AFF4: variants seen among roughly 807,000 people sequenced by gnomAD.
AFF4 encodes AF4/FMR2 family member 4.
A neutral mutation model predicts 124.8 loss-of-function variants in AFF4; 13 were observed. That is an observed-to-expected ratio of 0.10 (90% CI 0.07 to 0.17). The LOEUF is 0.17. Among genes scored for constraint, AFF4 ranks in the 10% least tolerant of loss-of-function variants. The probability of loss-of-function intolerance (pLI) is 1.00; values close to 1 mark genes in which losing one functional copy is unlikely to be tolerated. For synonymous variants in AFF4, 477 were observed against 496.1 expected (o/e 0.96, Z 0.51); for missense variants, 1,092 against 1,403.8 (o/e 0.78, Z 3.55).
intron 1 of AFF4, among the ~76,000 whole-genome samples, chr5:132,950,864 CTCCATCTCTAGTGAATCCTACGAATCCTT>C (rs1761828359): frequency 2.6e-5 from 4 of 152,252 alleles, no homozygotes; most frequent in African/African-American, 9.6e-5. Context: ...ACTTCAACTT[CTCCATCTCTAGTGAATCCTACGAATCCTT>C]TCCATCAGCA....
At chr5:132,956,580 C>T (rs1202477872) in intron 1 of AFF4, among the ~76,000 whole-genome samples, 2 of 147,390 alleles carry the variant, frequency 1.4e-5, no homozygotes, top group Non-Finnish European at 3.0e-5. Flanking sequence ...TGCAGTGAGC[C>T]GAGATCATGC....
In AFF4 at chr5:132,907,023, A is replaced by G. The variant is rs996621917; in HGVS notation, c.1051-2619T>C. On this transcript the variant is annotated intron_variant, in intron 5 of 20. Transcript: ENST00000265343. Reference sequence around the variant, plus strand: ...TATTCATTTACTTGGTAAATGGCCTAAAAGTTAATAGCCCCATATTCCAAA... The same window carrying G: ...TATTCATTTACTTGGTAAATGGCCTGAAAGTTAATAGCCCCATATTCCAAA... Among the ~76,000 whole-genome samples the G allele has an allele frequency of 5.9e-5, 9 of 152,336 alleles. No individual in the cohort carries two copies. In the East Asian group the frequency reaches 1.7e-3, roughly 29 times the overall value.
At position 132,936,727 on chromosome 5, in the gene AFF4, C is replaced by G. The variant is rs148521429; in HGVS notation, c.123+340G>C. The stretch of plus-strand genomic sequence containing the variant: ...AGGTAAATGTATGAGCCAACTCAGA[C>G]CACATTTTTAAGAACACAGGACAGC... On this transcript the variant is annotated intron_variant, in intron 2 of 20. Transcript: ENST00000265343. 5.3e-3 allele frequency among the ~76,000 whole-genome samples: 811 copies of G among 152,258 alleles called. 4 individuals are homozygous for G. The highest frequency in any genetic ancestry group is 0.027 in the Middle Eastern group (8 of 294).
At chr5:132,959,757 CTTTTTTTTTT>C (rs1163731664) in intron 1 of AFF4, among the ~76,000 whole-genome samples, 2 of 71,516 alleles carry the variant, frequency 2.8e-5, no homozygotes, top group African/African-American at 5.7e-5. Flanking sequence ...GAGTGCTTTT[CTTTTTTTTTT>C]TTTTTTTTTT....
chr5:132,955,568 G>T (rs1050046852), intron 1 of AFF4, among the ~76,000 whole-genome samples: 2 of 152,098 alleles, frequency 1.3e-5, no homozygotes, highest in African/African-American at 4.8e-5. Context: ...CACGAGGTCA[G>T]GAGTTCAAGA....
At chr5:132,917,564 A>G (rs1183143106) in intron 5 of AFF4, among the ~76,000 whole-genome samples, 1 of 152,196 alleles carries the variant, frequency 6.6e-6, no homozygotes, top group Non-Finnish European at 1.5e-5. Context: ...TGAAACAAAC[A>G]TTATAAAATC....
In AFF4 at chr5:132,906,499, G is replaced by C. The variant is rs185266454; in HGVS notation, c.1051-2095C>G. Among the ~76,000 whole-genome samples the C allele has an allele frequency of 2.6e-5, 4 of 152,228 alleles. No homozygotes were observed. In the East Asian group the frequency reaches 7.7e-4, roughly 29 times the overall value. Reference sequence around the variant, plus strand: ...CTTAAAAACATAATGTTAAGTGAAAGAATATAGTCACAAAAGACCACATAC... The same window carrying C: ...CTTAAAAACATAATGTTAAGTGAAACAATATAGTCACAAAAGACCACATAC... On this transcript the variant is annotated intron_variant, in intron 5 of 20. Coordinates refer to ENST00000265343, the MANE Select transcript of AFF4 (RefSeq NM_014423.4).
Position 132,896,345 on chromosome 5 carries a change from T to A in AFF4, c.2285A>T (p.Asn762Ile). 1.3e-6 allele frequency: 2 copies of A among 1,596,422 alleles called. No homozygotes were observed. The highest frequency in any genetic ancestry group is 8.5e-7 in the Non-Finnish European group (1 of 1,175,502). ...AACCTTATGCTTCCTCTTGCCTTTG[T>A]TGGAAACTTTTTCTGAGGCTTGTTT... is the stretch of plus-strand genomic sequence containing the variant. The part of the protein sequence containing the change: ...AQKQASEKVS[N>I]KGKRKHKNED... The change falls in exon 11 of 21, where the codon AAC (asparagine) becomes ATC (isoleucine). Residue 762 changes from asparagine (N) to isoleucine (I), a missense_variant. Transcript: ENST00000265343.
intron 13 of AFF4, among the ~76,000 whole-genome samples, chr5:132,890,052 A>G (rs1003439114): frequency 6.6e-6 from 1 of 152,066 alleles, no homozygotes; most frequent in Non-Finnish European, 1.5e-5. Flanking sequence ...TTCCATAATA[A>G]AACACCATAA....
intron 11 of AFF4, among the ~76,000 whole-genome samples, chr5:132,894,599 C>A (rs1760341615): frequency 6.6e-6 from 1 of 152,162 alleles, no homozygotes; most frequent in African/African-American, 2.4e-5. Flanking sequence ...TTAACTGGGT[C>A]TTCTCTTAGT....
At position 132,892,342 on chromosome 5, in the gene AFF4, G is replaced by C. The variant is rs1351320849; in HGVS notation, c.2459C>G (p.Pro820Arg). The change falls in exon 13 of 21, where the codon CCT becomes CGT. Residue 820 changes from proline (P) to arginine (R), a missense_variant. Pro to Arg is a moderately radical substitution (Grantham distance 103). This residue lies in a region of AFF4 where 293 missense variants were observed against 280.2 expected (regional missense o/e 1.05). Coordinates refer to ENST00000265343, the MANE Select transcript of AFF4 (RefSeq NM_014423.4). ...DLLPSPAGPVPSKDPKTEHGS... is the reference protein window; with the variant it reads ...DLLPSPAGPVRSKDPKTEHGS... ...ATGCTCTGTTTTTGGATCTTTTGAAGGAACAGGCCCAGCGGGAGAAGGCAA... is the reference window on the plus strand; with the variant it reads ...ATGCTCTGTTTTTGGATCTTTTGAACGAACAGGCCCAGCGGGAGAAGGCAA... 1 of 1,614,108 alleles carries C rather than the reference G, an allele frequency of 6.2e-7. No homozygotes were observed. The highest frequency in any genetic ancestry group is 1.7e-5 in the Admixed American group (1 of 60,006).
rs1378418039 is a variant in AFF4, at chr5:132,880,746, A to G, written c.*313T>C. On this transcript the variant is annotated 3_prime_UTR_variant, in exon 21 of 21. Transcript: ENST00000265343. The stretch of plus-strand genomic sequence containing the variant: ...AGCCCCAATCTGGGAACTTAAAAAA[A>G]TTAAAATAAATAAAATTTCAATTCA... 2.4e-5 allele frequency: 7 copies of G among 289,150 alleles called. No homozygotes were observed. The highest frequency in any genetic ancestry group is 3.8e-5 in the Non-Finnish European group (6 of 157,466). The allele number at this position is 289,150 out of a possible 1,614,324, so 17.9% of individuals were successfully genotyped here.
At chr5:132,897,714 A>AG (rs1760445421) in intron 10 of AFF4, among the ~76,000 whole-genome samples, 1 of 152,010 alleles carries the variant, frequency 6.6e-6, no homozygotes, top group Non-Finnish European at 1.5e-5. Flanking sequence ...CATCTTAAAA[A>AG]AAAAAAAAAA....
chr5:132,904,785 C>T (rs996260945), intron 5 of AFF4, among the ~76,000 whole-genome samples: 4 of 152,078 alleles, frequency 2.6e-5, no homozygotes, highest in Non-Finnish European at 5.9e-5. Flanking sequence ...TAACCTTTAT[C>T]CATTAGAAGT....
At position 132,880,559 on chromosome 5, in the gene AFF4, T is replaced by C; in HGVS notation, c.*500A>G. 2.6e-6 allele frequency: 1 copy of C among 389,226 alleles called. No individual in the cohort carries two copies. The highest frequency in any genetic ancestry group is 4.5e-6 in the Non-Finnish European group (1 of 220,356). 24.1% of individuals were successfully genotyped at this position (389,226 alleles called of 1,614,324 possible). A position where few individuals can be genotyped will look rare whatever the true frequency, so the allele number is the denominator to read the frequency against. ...AGGTAGCAGGTGTAGAAAGAATATG[T>C]CCTTATTTTAGACGAACCAATTCTT... is the stretch of plus-strand genomic sequence containing the variant. On this transcript the variant is annotated 3_prime_UTR_variant, in exon 21 of 21. Coordinates refer to ENST00000265343, the MANE Select transcript of AFF4 (RefSeq NM_014423.4).
intron 20 of AFF4, among the ~76,000 whole-genome samples, chr5:132,881,835 T>C (rs1048167764): frequency 4.0e-5 from 6 of 151,684 alleles, no homozygotes; most frequent in Admixed American, 6.6e-5. Flanking sequence ...AAGTTTTTTT[T>C]TTTTTTTTTT....
intron 10 of AFF4, among the ~76,000 whole-genome samples, chr5:132,897,848 T>C (rs1348304583): frequency 1.3e-5 from 2 of 152,200 alleles, no homozygotes; most frequent in Non-Finnish European, 2.9e-5. Context: ...ACAAATGATG[T>C]AGGTACAAAG....
At chr5:132,895,918 G>C (rs1291863497) in intron 11 of AFF4, among the ~76,000 whole-genome samples, 8 of 150,030 alleles carry the variant, frequency 5.3e-5, no homozygotes, top group Non-Finnish European at 1.2e-4. Context: ...AGTTATTTAA[G>C]TGTGACTTGG....
chr5:132,882,947 C>T (rs1440212607), intron 20 of AFF4, among the ~76,000 whole-genome samples: 2 of 151,766 alleles, frequency 1.3e-5, no homozygotes, highest in Non-Finnish European at 2.9e-5. Flanking sequence ...TATGAGCATG[C>T]TTTCTTATAC....
Sources: gnomAD v4.1 joint callset for allele counts (sites outside exome capture counted in the v4.1 genomes callset) on GRCh38, gnomAD v4.1.1 for gene constraint, gnomAD v4.1.1 regional missense constraint, MANE v1.5 for transcripts, NCBI Gene and HGNC (gene_info 2026-07-23, HGNC 2026-07-21) for gene names.